The following MON2 variants were observed in gnomAD, a reference collection of about 807,000 sequenced individuals.
The protein encoded by MON2 is MON2 regulator of endosome-to-Golgi trafficking.
A neutral mutation model predicts 208.6 loss-of-function variants in MON2; 84 were observed. The ratio of observed to expected loss-of-function variants is 0.40; its 90% confidence interval spans 0.34 to 0.48. The LOEUF (loss-of-function observed/expected upper bound fraction) is 0.48. MON2 is among the 20% of genes least tolerant of loss of function. The probability of loss-of-function intolerance (pLI) is 0.59; values close to 1 mark genes in which losing one functional copy is unlikely to be tolerated. For missense variants in MON2, 1,611 were observed against 2,015.4 expected (o/e 0.80, Z 3.84); for synonymous variants, 660 against 694.0 (o/e 0.95, Z 0.77).
chr12:62,513,698 G>A (rs1187627318), intron 8 of MON2, among the ~76,000 whole-genome samples: 1 of 123,504 alleles, frequency 8.1e-6, no homozygotes, highest in Non-Finnish European at 1.9e-5. Context: ...TGTAATCCCA[G>A]CACTTTGGGA....
intron 30 of MON2, among the ~76,000 whole-genome samples, chr12:62,574,285 T>G (rs1051285314): frequency 1.3e-5 from 2 of 152,214 alleles, no homozygotes; most frequent in African/African-American, 4.8e-5. Flanking sequence ...TTAATTCCCA[T>G]GAAACAACTA....
intron 30 of MON2, among the ~76,000 whole-genome samples, chr12:62,574,084 C>T (rs1433195319): frequency 6.6e-6 from 1 of 152,118 alleles, no homozygotes; most frequent in African/African-American, 2.4e-5. Context: ...TTCAGTGACT[C>T]ATTTTTCCTC....
At chr12:62,548,368 A>G (rs768122269) in intron 22 of MON2, among the ~76,000 whole-genome samples, 1 of 152,118 alleles carries the variant, frequency 6.6e-6, no homozygotes, top group Non-Finnish European at 1.5e-5. Flanking sequence ...TAGGGAAAAG[A>G]CAAGGAAGAG....
At position 62,597,551 on chromosome 12, in the gene MON2, TAAAAAACTAA is replaced by T. The variant is rs991810840; in HGVS notation, c.*4806_*4815del. 7 of 152,136 alleles carry T rather than the reference TAAAAAACTAA, an allele frequency of 4.6e-5. No homozygotes were observed. Among genetic ancestry groups the T allele is most frequent in the Admixed American group, 2.0e-4 (3 of 15,276 alleles). 9.4% of individuals were successfully genotyped at this position (152,136 alleles called of 1,614,324 possible). A position where few individuals can be genotyped will look rare whatever the true frequency, so the allele number is the denominator to read the frequency against. ...TATGTTCCAAAAACTGGAAGTGCCATAAAAAACTAAAAATAAAAAAAAATTGTGACTATAA... is the reference window on the plus strand; with the variant it reads ...TATGTTCCAAAAACTGGAAGTGCCATAAATAAAAAAAAATTGTGACTATAA... On this transcript the variant is annotated 3_prime_UTR_variant, in exon 35 of 35. Coordinates refer to ENST00000393630, the MANE Select transcript of MON2 (RefSeq NM_015026.3).
chr12:62,555,486 A>G (rs1056438896), intron 24 of MON2, among the ~76,000 whole-genome samples: 3 of 151,934 alleles, frequency 2.0e-5, no homozygotes, highest in African/African-American at 4.8e-5. Flanking sequence ...GCCCAACCTT[A>G]TTTTTTTATA....
rs144440506 is a variant in MON2 at position 62,569,596 on chromosome 12, ATTC to A, written c.4324-1787_4324-1785del. On this transcript the variant is annotated intron_variant, in intron 29 of 34. Transcript: ENST00000393630. Reference sequence around the variant, plus strand: ...TGCATACACACATTCACACACTTCTATTCTTCTTCTTAAGTTCCTAAAATTAAT... The same window carrying A: ...TGCATACACACATTCACACACTTCTATTCTTCTTAAGTTCCTAAAATTAAT... 6.9e-3 allele frequency among the ~76,000 whole-genome samples: 1,047 copies of A among 152,326 alleles called. 12 individuals are homozygous for A. The highest frequency in any genetic ancestry group is 0.024 in the African/African-American group (993 of 41,580).
At chr12:62,565,444 A>G in intron 27 of MON2, 64 bp downstream of exon 27, 1 of 1,359,594 alleles carries the variant, frequency 7.4e-7, no homozygotes, top group Non-Finnish European at 1.0e-6. Context: ...AGATAGTTCC[A>G]CTTAAGATGG....
chr12:62,548,866 C>A (rs1019221480), intron 22 of MON2, among the ~76,000 whole-genome samples: 2 of 152,124 alleles, frequency 1.3e-5, no homozygotes, highest in African/African-American at 4.8e-5. Context: ...AAAATTTACT[C>A]TTTTCTCACT....
Position 62,535,517 on chromosome 12 carries a change from C to A in MON2, c.1716-8C>A. ...TTAATCAGATTAAATAAAATACTTTCTTTTCAGCACAGATGAAGCTGCCAC... is the reference window on the plus strand; with the variant it reads ...TTAATCAGATTAAATAAAATACTTTATTTTCAGCACAGATGAAGCTGCCAC... On this transcript the variant is annotated splice_polypyrimidine_tract_variant and splice_region_variant and intron_variant, in intron 13 of 34. Coordinates refer to ENST00000393630, the MANE Select transcript of MON2 (RefSeq NM_015026.3). 6.4e-7 allele frequency: 1 copy of A among 1,566,478 alleles called. No homozygotes were observed. Among genetic ancestry groups the A allele is most frequent in the Non-Finnish European group, 8.6e-7 (1 of 1,159,922 alleles).
chr12:62,525,260 G>T (rs183400999), intron 10 of MON2, 40 bp downstream of exon 10: 2 of 1,599,274 alleles, frequency 1.3e-6, no homozygotes, highest in Middle Eastern at 3.3e-4. Context: ...ATATTCTGCC[G>T]TAAGTTACAG....
intron 7 of MON2, among the ~76,000 whole-genome samples, chr12:62,502,530 TAGAA>T (rs1442360166): frequency 5.3e-5 from 8 of 152,272 alleles, no homozygotes; most frequent in African/African-American, 1.9e-4. Context: ...ATTTTAATAA[TAGAA>T]AGAATCTCTA....
chr12:62,490,154 A>G (rs1292386406), intron 2 of MON2: 1 of 309,194 alleles, frequency 3.2e-6, no homozygotes, highest in Non-Finnish European at 6.1e-6. Flanking sequence ...ACAGTTGTAT[A>G]ATTTGGAAAT....
intron 11 of MON2, among the ~76,000 whole-genome samples, chr12:62,530,414 G>T (rs1466757421): frequency 6.6e-6 from 1 of 151,716 alleles, no homozygotes; most frequent in Non-Finnish European, 1.5e-5. Context: ...GTATTTTTTA[G>T]TAGAGACAGG....
intron 32 of MON2, 52 bp downstream of exon 32, chr12:62,580,472 C>T (rs773093079): frequency 6.9e-7 from 1 of 1,455,830 alleles, no homozygotes; most frequent in African/African-American, 1.4e-5. Flanking sequence ...TTTGAAGAAA[C>T]TGTCAGTAGA....
intron 26 of MON2, among the ~76,000 whole-genome samples, chr12:62,563,264 T>A (rs1028660718): frequency 6.6e-6 from 1 of 152,198 alleles, no homozygotes; most frequent in Non-Finnish European, 1.5e-5. Flanking sequence ...TTTTGCTTGT[T>A]ATGTGGGATA....
chr12:62,579,244 T>TG (rs1809633090), intron 31 of MON2, among the ~76,000 whole-genome samples: 1 of 149,728 alleles, frequency 6.7e-6, no homozygotes, highest in Non-Finnish European at 1.5e-5. Flanking sequence ...ACCCTGTCTC[T>TG]GAAAAAAAAA....
At chr12:62,547,678 C>A (rs1371880267) in intron 22 of MON2, among the ~76,000 whole-genome samples, 4 of 152,164 alleles carry the variant, frequency 2.6e-5, no homozygotes, top group Admixed American at 6.5e-5. Flanking sequence ...TTTCAGTCAA[C>A]AACAGACCAC....
At chr12:62,544,351 G>A (rs964014531) in intron 20 of MON2, among the ~76,000 whole-genome samples, 6 of 152,150 alleles carry the variant, frequency 3.9e-5, no homozygotes, top group Admixed American at 3.9e-4. Context: ...GAGGCTGAAT[G>A]GGGAGAATTG....
chr12:62,585,602 C>CTAAG (rs2075196813), intron 33 of MON2, 101 bp downstream of exon 33: 1 of 904,552 alleles, frequency 1.1e-6, no homozygotes, highest in Non-Finnish European at 1.6e-6. Flanking sequence ...GTGATCTGAA[C>CTAAG]TAAGCTGAAG....
Sources: gnomAD v4.1 joint callset for allele counts (sites outside exome capture counted in the v4.1 genomes callset) on GRCh38, gnomAD v4.1.1 for gene constraint, MANE v1.5 for transcripts, NCBI Gene and HGNC (gene_info 2026-07-23, HGNC 2026-07-21) for gene names.